The following ZBBX variants were observed in gnomAD, a reference collection of about 807,000 sequenced individuals.
The protein encoded by ZBBX is zinc finger B-box domain-containing protein 1.
In ZBBX, 101 loss-of-function variants were observed where a neutral mutation model predicts 108.5. The ratio of observed to expected loss-of-function variants is 0.93; its 90% CI spans 0.79 to 1.10. The LOEUF is 1.10. Among genes scored for constraint, ZBBX ranks in the 50% least tolerant of loss-of-function variants. The probability of loss-of-function intolerance (pLI) is 0.00; values close to 1 mark genes in which losing one functional copy is unlikely to be tolerated. For missense variants in ZBBX, 1,009 were observed against 941.4 expected, an observed-to-expected ratio of 1.07 and a Z score of -0.94; for synonymous variants, 356 against 323.4, an observed-to-expected ratio of 1.10 and a Z score of -1.08.
chr3:167,390,563 T>A (rs544133714), intron 1 of ZBBX, among the ~76,000 whole-genome samples: 4 of 151,966 alleles, frequency 2.6e-5, no homozygotes, highest in Admixed American at 1.3e-4. Context: ...TAACATTGAA[T>A]CTATAAATTA....
Position 167,364,482 on chromosome 3 carries a change from C to A in ZBBX, c.273+1404G>T, listed in dbSNP as rs73879685. Among the ~76,000 whole-genome samples, 877 of 152,044 alleles carry A rather than the reference C, an allele frequency of 5.8e-3. 11 individuals are homozygous for A. The highest frequency in any genetic ancestry group is 0.02 in the African/African-American group (833 of 41,530). Reference sequence around the variant, plus strand: ...CAATCTCTCTTCACTAGAGAGCTGGCAAATTATCTTAGACAAGCCTGAGAG... The same window carrying A: ...CAATCTCTCTTCACTAGAGAGCTGGAAAATTATCTTAGACAAGCCTGAGAG... On this transcript the variant is annotated intron_variant, in intron 6 of 21. Transcript: ENST00000675490.
chr3:167,369,991 C>T (rs1745909768), intron 4 of ZBBX, among the ~76,000 whole-genome samples: 1 of 152,002 alleles, frequency 6.6e-6, no homozygotes, highest in Non-Finnish European at 1.5e-5. Flanking sequence ...TGGATAGGAT[C>T]ATGAAGAGCC....
intron 11 of ZBBX, among the ~76,000 whole-genome samples, chr3:167,324,288 G>A (rs1736984417): frequency 6.6e-6 from 1 of 152,008 alleles, no homozygotes; most frequent in South Asian, 2.1e-4. Context: ...AGGACTATAG[G>A]TTCACATTAT....
intron 9 of ZBBX, among the ~76,000 whole-genome samples, chr3:167,342,510 C>T (rs958050686): frequency 6.6e-6 from 1 of 151,550 alleles, no homozygotes; most frequent in Admixed American, 6.6e-5. Flanking sequence ...AACCATAATG[C>T]TTTTAAAAAA....
rs1484593317 is a variant in ZBBX at position 167,328,063 on chromosome 3, C to A, written c.741G>T (p.Leu247=). Residue 247 remains leucine (L), a synonymous_variant, in exon 11 of 22, where the codon CTG becomes CTT. Coordinates refer to ENST00000675490, the MANE Select transcript of ZBBX (RefSeq NM_001199201.2). ...CTTCATCGAATGACCCTTCACACAA[C>A]AGACTCTTTCTTGGTTTTGTACGTT... ...RAQRTKPRKS[L]LCEGSFDEEA... The A allele has an allele frequency of 6.2e-7, 1 of 1,613,864 alleles. No homozygotes were observed. The highest frequency in any genetic ancestry group is 8.5e-7 in the Non-Finnish European group (1 of 1,179,914).
At chr3:167,295,521 C>T (rs746047199) in intron 18 of ZBBX, among the ~76,000 whole-genome samples, 26 of 150,680 alleles carry the variant, frequency 1.7e-4, no homozygotes, top group Non-Finnish European at 7.4e-5. Flanking sequence ...AACACTGGGG[C>T]CTGTTGGGGG....
chr3:167,253,322 C>T (rs947495181), intron 20 of ZBBX, among the ~76,000 whole-genome samples: 1 of 152,044 alleles, frequency 6.6e-6, no homozygotes, highest in East Asian at 1.9e-4. Context: ...ACCAATACCA[C>T]GTCAATAGGG....
At chr3:167,391,607 T>C (rs1327305548) in intron 1 of ZBBX, among the ~76,000 whole-genome samples, 6 of 152,040 alleles carry the variant, frequency 3.9e-5, no homozygotes, top group Non-Finnish European at 7.4e-5. Context: ...TGGAAATCCG[T>C]TTGGCCTTGG....
the ZBBX span, among the ~76,000 whole-genome samples, chr3:167,232,571 G>A: frequency 9.2e-5 from 14 of 151,894 alleles, no homozygotes; most frequent in Admixed American, 9.2e-4. Context: ...TCTGGCCCTG[G>A]ATGTCAGACA....
chr3:167,335,575 A>G (rs1176074863), intron 9 of ZBBX, among the ~76,000 whole-genome samples: 5 of 151,546 alleles, frequency 3.3e-5, no homozygotes, highest in Non-Finnish European at 7.4e-5. Context: ...TTTAGCAGGG[A>G]TCAGATAAAA....
At chr3:167,265,778 A>G (rs1576816247) in intron 20 of ZBBX, among the ~76,000 whole-genome samples, 2 of 152,176 alleles carry the variant, frequency 1.3e-5, no homozygotes, top group South Asian at 2.1e-4. Flanking sequence ...GGAATGGATG[A>G]TTCCCCTCTG....
intron 18 of ZBBX, among the ~76,000 whole-genome samples, chr3:167,291,288 T>C (rs1354926622): frequency 1.3e-5 from 2 of 151,668 alleles, no homozygotes; most frequent in African/African-American, 4.9e-5. Flanking sequence ...AAGGAAAAAA[T>C]GTTAAGGGCA....
chr3:167,302,472 C>T (rs1732873768), intron 17 of ZBBX, among the ~76,000 whole-genome samples: 1 of 151,966 alleles, frequency 6.6e-6, no homozygotes, highest in Non-Finnish European at 1.5e-5. Flanking sequence ...TTAGTGCTTG[C>T]CTTTACTCTG....
chr3:167,182,804 CTGT>C, the ZBBX span, among the ~76,000 whole-genome samples: 88,376 of 151,552 alleles, frequency 0.58, 25,944 homozygotes, highest in East Asian at 0.82. Context: ...TACAAAAGGA[CTGT>C]TGGTCCATAT....
At chr3:167,249,615 A>G (rs1001261558) in intron 20 of ZBBX, among the ~76,000 whole-genome samples, 4 of 152,170 alleles carry the variant, frequency 2.6e-5, no homozygotes, top group African/African-American at 9.7e-5. Context: ...CTTAAAGCAA[A>G]TTAAGGGGGA....
chr3:167,179,921 T>C, the ZBBX span, among the ~76,000 whole-genome samples: 2 of 152,230 alleles, frequency 1.3e-5, no homozygotes, highest in Admixed American at 1.3e-4. Flanking sequence ...GTAAGACTAT[T>C]TATAAAGGCT....
the ZBBX span, among the ~76,000 whole-genome samples, chr3:167,191,300 T>C: frequency 6.6e-6 from 1 of 152,190 alleles, no homozygotes. Flanking sequence ...GCTTTGCCAT[T>C]CTGGATGGAA....
At chr3:167,277,414 C>G (rs998898755) in intron 20 of ZBBX, among the ~76,000 whole-genome samples, 7 of 152,014 alleles carry the variant, frequency 4.6e-5, no homozygotes, top group South Asian at 2.1e-4. Flanking sequence ...ATCTACCAAG[C>G]AAATGGAAAA....
At position 167,407,275 on chromosome 3, in the gene ZBBX, C is replaced by T. The variant is rs1748614828; in HGVS notation, c.-446+451G>A. On this transcript the variant is annotated intron_variant, in intron 1 of 21. Coordinates refer to the ZBBX transcript ENST00000455345. ...AATATCTCAAGTGTAAATACATTAA[C>T]TTTAAATGATTTTTTGATATTAATG... Among the ~76,000 whole-genome samples, 5 of 152,112 alleles carry T rather than the reference C, an allele frequency of 3.3e-5. No homozygotes were observed. In the South Asian group the frequency reaches 1.0e-3, roughly 31 times the overall value.
Sources: allele counts gnomAD v4.1 joint callset (sites outside exome capture counted in the v4.1 genomes callset), GRCh38; gene constraint gnomAD v4.1.1; transcripts MANE v1.5; gene names NCBI Gene and HGNC (gene_info 2026-07-23, HGNC 2026-07-21).